The following PXDNL variants were observed in gnomAD, a reference collection of about 807,000 sequenced individuals.
The protein encoded by PXDNL is peroxidasin like.
A neutral mutation model predicts 150.8 loss-of-function variants in PXDNL; 145 were observed. The observed-to-expected ratio is 0.96, with a 90% confidence interval of 0.84 to 1.10. The LOEUF (loss-of-function observed/expected upper bound fraction) is 1.10, where lower values mean the gene tolerates loss of function less well. Ranked by LOEUF, PXDNL falls within the 50% of genes least tolerant of loss-of-function variation. The pLI is 0.00. For missense variants in PXDNL, 2,087 were observed against 1,873.9 expected (o/e 1.11, Z -2.10); for synonymous variants, 757 against 725.7 (o/e 1.04, Z -0.69).
At chr8:51,592,017 C>T (rs891501323) in intron 3 of PXDNL, among the ~76,000 whole-genome samples, 20 of 152,224 alleles carry the variant, frequency 1.3e-4, no homozygotes, top group African/African-American at 4.6e-4. Flanking sequence ...CCAACATAAC[C>T]ATATCCAATC....
At chr8:51,378,575 T>C (rs796926577) in intron 17 of PXDNL, among the ~76,000 whole-genome samples, 1 of 152,202 alleles carries the variant, frequency 6.6e-6, no homozygotes, top group African/African-American at 2.4e-5. Context: ...ACCATTCCAC[T>C]CTGTGGAAGA....
chr8:51,717,555 G>A (rs918534326), intron 1 of PXDNL, among the ~76,000 whole-genome samples: 1 of 152,198 alleles, frequency 6.6e-6, no homozygotes, highest in Non-Finnish European at 1.5e-5. Flanking sequence ...TTCCCATGTT[G>A]CAGGATCTGA....
chr8:51,438,389 C>A (rs1259390855), intron 12 of PXDNL, among the ~76,000 whole-genome samples: 1 of 152,160 alleles, frequency 6.6e-6, no homozygotes, highest in African/African-American at 2.4e-5. Context: ...AATCTAGAGG[C>A]ATCTCATTAC....
At chr8:51,541,943 G>A (rs984877022) in intron 4 of PXDNL, among the ~76,000 whole-genome samples, 1 of 152,068 alleles carries the variant, frequency 6.6e-6, no homozygotes, top group East Asian at 1.9e-4. Context: ...TTCCATCATG[G>A]TTAAAAGCAG....
intron 1 of PXDNL, among the ~76,000 whole-genome samples, chr8:51,696,663 A>G (rs1327851315): frequency 2.8e-5 from 4 of 143,518 alleles, no homozygotes; most frequent in African/African-American, 4.9e-5. Context: ...ACATCCACAC[A>G]CAGGTCCACA....
intron 1 of PXDNL, among the ~76,000 whole-genome samples, chr8:51,751,507 G>A (rs1409757301): frequency 1.3e-5 from 2 of 152,140 alleles, no homozygotes; most frequent in East Asian, 3.9e-4. Flanking sequence ...TGTTTTCTCT[G>A]ATATTTCACA....
chr8:51,636,433 G>C (rs1224737881), intron 2 of PXDNL, among the ~76,000 whole-genome samples: 1 of 152,120 alleles, frequency 6.6e-6, no homozygotes, highest in Non-Finnish European at 1.5e-5. Context: ...GGCATAATGT[G>C]TATCTAGAAA....
chr8:51,771,618 T>C (rs947871822), intron 1 of PXDNL, among the ~76,000 whole-genome samples: 2 of 150,422 alleles, frequency 1.3e-5, no homozygotes, highest in Non-Finnish European at 3.0e-5. Context: ...GAGCACAGAA[T>C]AGAGACAGAG....
chr8:51,374,449 A>G (rs570694291), intron 18 of PXDNL, 148 bp downstream of exon 18: 1 of 683,800 alleles, frequency 1.5e-6, no homozygotes, highest in East Asian at 2.9e-5. Context: ...TGGTGGTTAC[A>G]AAAGTTCTGT....
chr8:51,681,794 C>T (rs947694143), intron 1 of PXDNL, among the ~76,000 whole-genome samples: 2 of 152,172 alleles, frequency 1.3e-5, no homozygotes, highest in Non-Finnish European at 2.9e-5. Context: ...ATATTTGTAG[C>T]ACATGGTCTG....
chr8:51,774,881 A>C, intron 1 of PXDNL, among the ~76,000 whole-genome samples: 1 of 152,334 alleles, frequency 6.6e-6, no homozygotes, highest in Non-Finnish European at 1.5e-5. Context: ...AAGTTTACAT[A>C]AAATGTCAAG....
At chr8:51,617,244 A>G (rs1814148664) in intron 2 of PXDNL, among the ~76,000 whole-genome samples, 1 of 152,206 alleles carries the variant, frequency 6.6e-6, no homozygotes, top group African/African-American at 2.4e-5. Context: ...GTATAATTTT[A>G]ATGGATCCAT....
chr8:51,428,024 G>A (rs1809154672), intron 12 of PXDNL, among the ~76,000 whole-genome samples: 1 of 152,046 alleles, frequency 6.6e-6, no homozygotes, highest in Admixed American at 6.6e-5. Flanking sequence ...CAAGGTCTCT[G>A]GATACAAGAC....
At chr8:51,351,964 G>A (rs967302110) in intron 19 of PXDNL, among the ~76,000 whole-genome samples, 2 of 152,028 alleles carry the variant, frequency 1.3e-5, no homozygotes, top group Admixed American at 6.6e-5. Context: ...CTTCATCATG[G>A]GAGGGACATT....
rs80203537 is a variant in PXDNL at position 51,320,039 on chromosome 8, A to G, written c.4261-17T>C. On this transcript the variant is annotated splice_polypyrimidine_tract_variant and intron_variant, in intron 22 of 22. Transcript: ENST00000356297. ...CTGGCCACTCTGAAAGGCAGCATGC[A>G]CATATCACCTCCATGTTTCTTATAA... 237 of 1,433,896 alleles carry G rather than the reference A, an allele frequency of 1.7e-4. No homozygotes were observed. Among genetic ancestry groups the G allele is most frequent in the Non-Finnish European group, 2.2e-4 (234 of 1,087,446 alleles). The allele number at this position is 1,433,896 out of a possible 1,614,324, so 88.8% of individuals were successfully genotyped here.
Position 51,468,889 on chromosome 8 carries a change from TCTTA to T in PXDNL, c.812+3294_812+3297del, listed in dbSNP as rs372593162. 6.4e-3 allele frequency among the ~76,000 whole-genome samples: 979 copies of T among 152,138 alleles called. 9 individuals carry two copies. The highest frequency in any genetic ancestry group is 0.022 in the African/African-American group (925 of 41,562). On this transcript the variant is annotated intron_variant, in intron 8 of 22. Transcript: ENST00000356297. ...AATATTGTCTAACGTTCTACTTTTT[TCTTA>T]CTTTAAAGTTGTTCAGTCCTTAATA...
chr8:51,802,734 A>T (rs2129264443), intron 1 of PXDNL, among the ~76,000 whole-genome samples: 1 of 152,332 alleles, frequency 6.6e-6, no homozygotes, highest in East Asian at 1.9e-4. Flanking sequence ...CCAATTTTAC[A>T]TAATAGCAAG....
chr8:51,424,479 C>T (rs1809038243), intron 13 of PXDNL, among the ~76,000 whole-genome samples: 2 of 151,700 alleles, frequency 1.3e-5, no homozygotes, highest in South Asian at 4.2e-4. Context: ...CTATTTCTAC[C>T]TTGTATGTAC....
At chr8:51,481,017 T>A (rs1563430779) in intron 6 of PXDNL, among the ~76,000 whole-genome samples, 1 of 152,130 alleles carries the variant, frequency 6.6e-6, no homozygotes, top group Non-Finnish European at 1.5e-5. Flanking sequence ...GGAAGGGACT[T>A]TGGAACTGCA....
Sources: gnomAD v4.1 joint callset for allele counts (sites outside exome capture counted in the v4.1 genomes callset) on GRCh38, gnomAD v4.1.1 for gene constraint, MANE v1.5 for transcripts, NCBI Gene and HGNC (gene_info 2026-07-23, HGNC 2026-07-21) for gene names.